The following C2orf49 variants were observed in gnomAD, a reference collection of about 807,000 sequenced individuals.
C2orf49 encodes tRNA-splicing ligase complex subunit ASW.
C2orf49 carries 11 observed loss-of-function variants against 20.6 expected under a neutral mutation model. The ratio of observed to expected loss-of-function variants is 0.53; its 90% CI spans 0.34 to 0.88. The LOEUF is 0.88. Among genes scored for constraint, C2orf49 ranks in the 40% least tolerant of loss-of-function variants. The probability of loss-of-function intolerance (pLI) is 0.02; values close to 1 mark genes in which losing one functional copy is unlikely to be tolerated. For missense variants in C2orf49, 289 were observed against 274.2 expected, an observed-to-expected ratio of 1.05 and a Z score of -0.38; for synonymous variants, 134 against 108.5, an observed-to-expected ratio of 1.24 and a Z score of -1.46.
chr2:105,343,236 G>T lies in C2orf49; in HGVS notation c.642+13G>T. 3 of 1,554,286 alleles carry T rather than the reference G, an allele frequency of 1.9e-6. No homozygotes were observed. Among genetic ancestry groups the T allele is most frequent in the Non-Finnish European group, 2.6e-6 (3 of 1,157,206 alleles). ...GGCAGAGGCCATGGTAAGTATGGGG[G>T]TGGTTTCCATGCTGGTAAGTGGTCT... On this transcript the variant is annotated intron_variant, in intron 3 of 3. Coordinates refer to ENST00000258457, the MANE Select transcript of C2orf49 (RefSeq NM_024093.3).
chr2:105,340,766 C>T (rs564362939), intron 2 of C2orf49, among the ~76,000 whole-genome samples: 29 of 152,224 alleles, frequency 1.9e-4, no homozygotes, highest in African/African-American at 7.0e-4. Flanking sequence ...CTTAAGTGAA[C>T]TCTTCTGTGT....
intron 1 of C2orf49, 35 bp downstream of exon 1, chr2:105,337,721 G>GCCCCCCCCCCCCCCCCC: frequency 3.7e-5 from 1 of 26,790 alleles, no homozygotes; most frequent in Non-Finnish European, 6.6e-5. Context: ...GGGCGGGTGG[G>GCCCCCCCCCCCCCCCCC]CCTTCCCAGG....
the C2orf49 span, chr2:105,373,529 C>G: frequency 6.2e-7 from 1 of 1,613,558 alleles, no homozygotes; most frequent in East Asian, 2.2e-5. Flanking sequence ...GCTAGACTGG[C>G]TCACGCATGA....
At chr2:105,354,253 G>T in the C2orf49 span, among the ~76,000 whole-genome samples, 1,920 of 152,284 alleles carry the variant, frequency 0.013, 53 homozygotes, top group African/African-American at 0.045. Context: ...TGAGTTTCTT[G>T]CCTTGTTTAT....
chr2:105,368,545 C>A, the C2orf49 span, among the ~76,000 whole-genome samples: 57 of 152,278 alleles, frequency 3.7e-4, 1 homozygote, highest in Admixed American at 2.2e-3. Context: ...CCTAAACCTA[C>A]GCCATCCATT....
At chr2:105,342,805 G>T (rs11895944) in intron 2 of C2orf49, 43 bp from the exon 3 acceptor site, 3 of 1,560,722 alleles carry the variant, frequency 1.9e-6, no homozygotes, top group East Asian at 4.5e-5. Context: ...CTGGTTTGCC[G>T]TTCCAGATGG....
the C2orf49 span, among the ~76,000 whole-genome samples, chr2:105,384,179 C>A: frequency 2.0e-5 from 3 of 152,208 alleles, no homozygotes; most frequent in Non-Finnish European, 4.4e-5. Context: ...TACCTTTTGC[C>A]AGATGATATC....
In C2orf49 at chr2:105,348,659, G is replaced by A. The variant is rs1458072097; in HGVS notation, c.*3288G>A. 3.3e-5 allele frequency: 5 copies of A among 151,498 alleles called. No homozygotes were observed. Among genetic ancestry groups the A allele is most frequent in the Non-Finnish European group, 5.9e-5 (4 of 67,902 alleles). 9.4% of individuals were successfully genotyped at this position (151,498 alleles called of 1,614,324 possible). On this transcript the variant is annotated 3_prime_UTR_variant, in exon 4 of 4. Coordinates refer to ENST00000258457, the MANE Select transcript of C2orf49 (RefSeq NM_024093.3). ...GTGTGCTCTTTTATTACATGCTTGT[G>A]CAGGTTTTGTAATTCAGTACAGAAA...
In C2orf49 at chr2:105,339,451, C is replaced by T. The variant is rs552115885; in HGVS notation, c.100-132C>T. 353 of 734,900 alleles carry T rather than the reference C, an allele frequency of 4.8e-4. 1 individual carries two copies. The highest frequency in any genetic ancestry group is 5.8e-4 in the Non-Finnish European group (265 of 455,196). The allele number at this position is 734,900 out of a possible 1,614,324, so 45.5% of individuals were successfully genotyped here. On this transcript the variant is annotated intron_variant, in intron 1 of 3. Coordinates refer to ENST00000258457, the MANE Select transcript of C2orf49 (RefSeq NM_024093.3). ...TAACCTTTAACACTGTCTCTAAGTG[C>T]GCGTGTTATTGTGAAAATGGCTTTT...
chr2:105,361,410 G>C, the C2orf49 span: 1 of 1,614,096 alleles, frequency 6.2e-7, no homozygotes, highest in South Asian at 1.1e-5. Flanking sequence ...TTCCTCAAAG[G>C]AGATGTATTT....
chr2:105,352,201 A>T (rs1189584762), downstream of C2orf49, among the ~76,000 whole-genome samples: 1 of 152,184 alleles, frequency 6.6e-6, no homozygotes, highest in Non-Finnish European at 1.5e-5. Flanking sequence ...GACTCCACTC[A>T]TTTCTAATGT....
chr2:105,337,698 C>A lies in C2orf49; in HGVS notation c.99+12C>A. 1 of 148,404 alleles carries A rather than the reference C, an allele frequency of 6.7e-6. No homozygotes were observed. 9.2% of individuals were successfully genotyped at this position (148,404 alleles called of 1,614,324 possible). On this transcript the variant is annotated intron_variant, in intron 1 of 3. Transcript: ENST00000258457. Reference sequence around the variant, plus strand: ...TCACTCTGGAGCAGGTTGGGCGCGCCGGATCGGAGGGTGGGCGGGTGGGCC... The same window carrying A: ...TCACTCTGGAGCAGGTTGGGCGCGCAGGATCGGAGGGTGGGCGGGTGGGCC...
rs192620300 is a variant in C2orf49 at position 105,341,350 on chromosome 2, A to G, written c.267-1498A>G. 3.9e-5 allele frequency among the ~76,000 whole-genome samples: 6 copies of G among 152,326 alleles called. No homozygotes were observed. The East Asian group carries it at 9.6e-4, about 24-fold the overall frequency. On this transcript the variant is annotated intron_variant, in intron 2 of 3. Transcript: ENST00000258457. ...TTTGACTCTATTTTTTAAATACACA[A>G]TTGAATCAGAGCATTAAAACTGGAA... is the stretch of plus-strand genomic sequence containing the variant.
At chr2:105,357,062 C>T in the C2orf49 span, among the ~76,000 whole-genome samples, 1 of 152,200 alleles carries the variant, frequency 6.6e-6, no homozygotes, top group Non-Finnish European at 1.5e-5. Flanking sequence ...ATTCTCTCAC[C>T]TCAGCCTCCT....
At chr2:105,368,112 C>T in the C2orf49 span, among the ~76,000 whole-genome samples, 2 of 152,180 alleles carry the variant, frequency 1.3e-5, no homozygotes, top group South Asian at 2.1e-4. Flanking sequence ...CTTTTGGAGT[C>T]TAGGGACTGT....
At chr2:105,354,454 C>T in the C2orf49 span, among the ~76,000 whole-genome samples, 2 of 152,048 alleles carry the variant, frequency 1.3e-5, no homozygotes, top group Non-Finnish European at 2.9e-5. Flanking sequence ...AACTTGAGGT[C>T]AGGAGTTCGA....
chr2:105,339,789 A>G (rs1679617130), intron 2 of C2orf49, 40 bp downstream of exon 2: 1 of 1,484,942 alleles, frequency 6.7e-7, no homozygotes, highest in East Asian at 2.5e-5. Flanking sequence ...TATCTTATAT[A>G]ACTAAAGTTA....
the C2orf49 span, among the ~76,000 whole-genome samples, chr2:105,384,003 T>C: frequency 5.9e-5 from 9 of 152,240 alleles, no homozygotes; most frequent in Non-Finnish European, 1.0e-4. Flanking sequence ...TGGGAGACTC[T>C]TGTTTATTTG....
At chr2:105,352,429 G>GTTTTTTTTTTTTTTTT (rs61585149), downstream of C2orf49, among the ~76,000 whole-genome samples, 10 of 80,758 alleles carry the variant, frequency 1.2e-4, no homozygotes, top group South Asian at 6.0e-4. Context: ...GTTTGTTTGG[G>GTTTTTTTTTTTTTTTT]TTTTTTTTTT....
Sources: gnomAD v4.1 joint callset for allele counts (sites outside exome capture counted in the v4.1 genomes callset) on GRCh38, gnomAD v4.1.1 for gene constraint, MANE v1.5 for transcripts, NCBI Gene and HGNC (gene_info 2026-07-23, HGNC 2026-07-21) for gene names.